CACNB2: variants seen among roughly 807,000 people sequenced by gnomAD.
CACNB2 encodes calcium voltage-gated channel auxiliary subunit beta 2.
Under a neutral mutation model 73.3 loss-of-function variants are expected in CACNB2, and 42 were observed. The ratio of observed to expected loss-of-function variants is 0.57; its 90% CI spans 0.45 to 0.74. The LOEUF is 0.74. CACNB2 is among the 30% of genes least tolerant of loss of function. The pLI is 0.00. For missense variants in CACNB2, 940 were observed against 853.0 expected (o/e 1.10, Z -1.27); for synonymous variants, 348 against 310.3 (o/e 1.12, Z -1.28).
At chr10:18,191,183 G>A (rs2034377987) in intron 2 of CACNB2, among the ~76,000 whole-genome samples, 1 of 152,194 alleles carries the variant, frequency 6.6e-6, no homozygotes, top group African/African-American at 2.4e-5. Context: ...GTGCTTTTAT[G>A]TTTCTTTTCT....
At chr10:18,380,195 G>T (rs921060602) in intron 2 of CACNB2, among the ~76,000 whole-genome samples, 1 of 152,120 alleles carries the variant, frequency 6.6e-6, no homozygotes, top group Non-Finnish European at 1.5e-5. Context: ...TCTCAAGAAT[G>T]AACAGTGTTC....
In CACNB2 at chr10:18,152,726, A is replaced by C. The variant is rs551500710; in HGVS notation, c.213+1751A>C. Among the ~76,000 whole-genome samples, 939 of 119,076 alleles carry C rather than the reference A, an allele frequency of 7.9e-3. 12 individuals are homozygous for C. Among genetic ancestry groups the C allele is most frequent in the African/African-American group, 0.029 (745 of 25,758 alleles). 78.1% of individuals were successfully genotyped at this position (119,076 alleles called of 152,430 possible). A position where few individuals can be genotyped will look rare whatever the true frequency, so the allele number is the denominator to read the frequency against. On this transcript the variant is annotated intron_variant, in intron 2 of 13. Coordinates refer to ENST00000324631, the MANE Select transcript of CACNB2 (RefSeq NM_201596.3). The stretch of plus-strand genomic sequence containing the variant: ...AAACAGACCAAAAAAAAAAAAAAAA[A>C]AAAAAACAAAAAACAAAACACTAGC...
chr10:18,419,556 T>A (rs1049287036), intron 3 of CACNB2, among the ~76,000 whole-genome samples: 2 of 152,144 alleles, frequency 1.3e-5, no homozygotes, highest in African/African-American at 4.8e-5. Flanking sequence ...GGTAGTTGAG[T>A]CAGGACCCTC....
intron 10 of CACNB2, among the ~76,000 whole-genome samples, chr10:18,528,012 T>C (rs1031914229): frequency 6.6e-6 from 1 of 152,212 alleles, no homozygotes; most frequent in Non-Finnish European, 1.5e-5. Context: ...GCAAGTTTAT[T>C]AACCTTTTGA....
In CACNB2 at chr10:18,543,201, A is replaced by G. The variant is rs1356074195; in HGVS notation, c.*3477A>G. 6.6e-6 allele frequency: 1 copy of G among 152,134 alleles called. No individual in the cohort carries two copies. Among genetic ancestry groups the G allele is most frequent in the Non-Finnish European group, 1.5e-5 (1 of 68,016 alleles). The allele number at this position is 152,134 out of a possible 1,614,324, so 9.4% of individuals were successfully genotyped here. On this transcript the variant is annotated 3_prime_UTR_variant, in exon 14 of 14. Transcript: ENST00000324631. ...AAATGATTCATGTAGTTGAGACTAT[A>G]TTAAATATTCAACACTTCCCAGCTG...
chr10:18,534,338 T>C, intron 11 of CACNB2, 111 bp downstream of exon 11: 1 of 970,116 alleles, frequency 1.0e-6, no homozygotes, highest in South Asian at 1.3e-5. Flanking sequence ...GTATAGAGAA[T>C]TTGAGGAGAC....
chr10:18,533,168 T>A (rs1231967508), intron 10 of CACNB2: 1 of 152,182 alleles, frequency 6.6e-6, no homozygotes, highest in Non-Finnish European at 1.5e-5. Context: ...GAATTCAACC[T>A]CCACGACTGC....
rs1005834447 is a variant in CACNB2, at chr10:18,154,617, A to C, written c.213+3642A>C. Among the ~76,000 whole-genome samples the C allele has an allele frequency of 2.0e-5, 3 of 152,108 alleles. No homozygotes were observed. In the South Asian group the frequency reaches 6.2e-4, roughly 32 times the overall value. On this transcript the variant is annotated intron_variant, in intron 2 of 13. Transcript: ENST00000324631. ...CCAGTAGCTGGGATTACAGGTGTGC[A>C]CCACCATGTCTGGCTAATATTCGTA...
In CACNB2 at chr10:18,501,924, C is replaced by A. The variant is rs572085149; in HGVS notation, c.593+976C>A. On this transcript the variant is annotated intron_variant, in intron 5 of 13. Coordinates refer to ENST00000324631, the MANE Select transcript of CACNB2 (RefSeq NM_201596.3). ...CCTCTGTGTTTTGAGACCTCCACCC[C>A]AGAATTGACTTTCATTAATTCCTGG... Among the ~76,000 whole-genome samples the A allele has an allele frequency of 2.6e-5, 4 of 152,276 alleles. No homozygotes were observed. The South Asian group carries it at 8.3e-4, about 32-fold the overall frequency.
At chr10:18,513,993 C>T (rs2051027425) in intron 6 of CACNB2, among the ~76,000 whole-genome samples, 1 of 152,124 alleles carries the variant, frequency 6.6e-6, no homozygotes, top group African/African-American at 2.4e-5. Context: ...ATATTCAAGA[C>T]GTCTAGCATG....
At chr10:18,328,503 A>G (rs2040672264) in intron 2 of CACNB2, among the ~76,000 whole-genome samples, 1 of 152,232 alleles carries the variant, frequency 6.6e-6, no homozygotes, top group Admixed American at 6.5e-5. Context: ...TTCTATAAGT[A>G]TAACCACTAT....
chr10:18,400,553 C>T, intron 2 of CACNB2: 7 of 1,022,924 alleles, frequency 6.8e-6, no homozygotes, highest in Non-Finnish European at 8.2e-6. Flanking sequence ...GTCCTCCTCC[C>T]TCCGCCTCCC....
chr10:18,235,679 G>T (rs2036414350), intron 2 of CACNB2, among the ~76,000 whole-genome samples: 1 of 152,196 alleles, frequency 6.6e-6, no homozygotes, highest in African/African-American at 2.4e-5. Context: ...CAAGTCGGTT[G>T]GAGCAAACTG....
chr10:18,159,375 G>A (rs1337007158), intron 2 of CACNB2, among the ~76,000 whole-genome samples: 3 of 152,128 alleles, frequency 2.0e-5, no homozygotes, highest in African/African-American at 7.2e-5. Flanking sequence ...ACTGTTTTTG[G>A]GATTTTCAAG....
At chr10:18,441,360 G>A (rs1192552976) in intron 3 of CACNB2, among the ~76,000 whole-genome samples, 6 of 152,100 alleles carry the variant, frequency 3.9e-5, no homozygotes, top group Non-Finnish European at 1.5e-5. Flanking sequence ...AGCTGATATC[G>A]CGTCACTGCA....
intron 7 of CACNB2, among the ~76,000 whole-genome samples, chr10:18,516,489 A>G (rs1196870187): frequency 6.6e-6 from 1 of 152,232 alleles, no homozygotes; most frequent in Non-Finnish European, 1.5e-5. Context: ...GGTAGCTGTT[A>G]CTAAAATGCA....
chr10:18,384,594 A>G (rs552529172), intron 2 of CACNB2, among the ~76,000 whole-genome samples: 27 of 151,780 alleles, frequency 1.8e-4, no homozygotes, highest in Non-Finnish European at 3.5e-4. Flanking sequence ...GCTGGGCGTG[A>G]TGGTGCACAT....
chr10:18,314,837 C>A (rs1233433600), intron 2 of CACNB2, among the ~76,000 whole-genome samples: 2 of 152,116 alleles, frequency 1.3e-5, no homozygotes, highest in East Asian at 3.9e-4. Flanking sequence ...ATCCTGAAAA[C>A]CTCTTAAAAT....
chr10:18,209,390 G>C (rs907388542), intron 2 of CACNB2, among the ~76,000 whole-genome samples: 2 of 152,138 alleles, frequency 1.3e-5, no homozygotes, highest in Non-Finnish European at 1.5e-5. Context: ...AACTCTCAAA[G>C]TCTGTCTATT....
Sources: allele counts gnomAD v4.1 joint callset (sites outside exome capture counted in the v4.1 genomes callset), GRCh38; gene constraint gnomAD v4.1.1; transcripts MANE v1.5; gene names NCBI Gene and HGNC (gene_info 2026-07-23, HGNC 2026-07-21).